SEMA5A: variants seen among roughly 807,000 people sequenced by gnomAD.
SEMA5A encodes the protein semaphorin-5A.
SEMA5A carries 55 observed loss-of-function variants against 135.5 expected under a neutral mutation model. The ratio of observed to expected loss-of-function variants is 0.41; its 90% CI spans 0.33 to 0.51. The LOEUF (loss-of-function observed/expected upper bound fraction) is 0.51. Ranked by LOEUF, SEMA5A falls within the 20% of genes least tolerant of loss-of-function variation. The pLI is 0.37. For synonymous variants in SEMA5A, 580 were observed against 546.5 expected (o/e 1.06, Z -0.85); for missense variants, 1,290 against 1,419.9 (o/e 0.91, Z 1.47).
intron 12 of SEMA5A, among the ~76,000 whole-genome samples, chr5:9,151,453 T>C (rs1742631258): frequency 6.6e-6 from 1 of 152,244 alleles, no homozygotes; most frequent in East Asian, 1.9e-4. Context: ...GTTTTCCTAT[T>C]CCTATTTAGT....
rs185720600 is a variant in SEMA5A, at chr5:9,221,493, G to T, written c.646+3181C>A. On this transcript the variant is annotated intron_variant, in intron 8 of 22. Coordinates refer to ENST00000382496, the MANE Select transcript of SEMA5A (RefSeq NM_003966.3). ...AATTTTTTCTATTTTTAGTAGAGACGGGGTTTCACAGTGTTAGCCAGGATG... is the reference window on the plus strand; with the variant it reads ...AATTTTTTCTATTTTTAGTAGAGACTGGGTTTCACAGTGTTAGCCAGGATG... Among the ~76,000 whole-genome samples the T allele has an allele frequency of 7.4e-5, 11 of 149,276 alleles. No homozygotes were observed. The South Asian group carries it at 2.4e-3, about 32-fold the overall frequency.
At chr5:9,175,443 G>A (rs937051117) in intron 11 of SEMA5A, among the ~76,000 whole-genome samples, 2 of 152,062 alleles carry the variant, frequency 1.3e-5, no homozygotes, top group African/African-American at 4.8e-5. Flanking sequence ...ATGGCTAGAG[G>A]GGTGCAAGCA....
intron 2 of SEMA5A, among the ~76,000 whole-genome samples, chr5:9,431,404 AC>A (rs1183432821): frequency 3.9e-5 from 6 of 152,144 alleles, no homozygotes; most frequent in African/African-American, 1.4e-4. Flanking sequence ...CAACTTCCCA[AC>A]CTTTGCTTTT....
intron 16 of SEMA5A, among the ~76,000 whole-genome samples, chr5:9,081,241 C>T (rs917794684): frequency 6.6e-6 from 1 of 152,186 alleles, no homozygotes; most frequent in Admixed American, 6.5e-5. Flanking sequence ...AAGACTGTAG[C>T]TCTGGCCAAC....
chr5:9,202,371 G>GTTAAT, intron 8 of SEMA5A, 131 bp from the exon 9 acceptor site: 3 of 730,220 alleles, frequency 4.1e-6, no homozygotes, highest in Non-Finnish European at 6.1e-6. Flanking sequence ...AGGACTATTG[G>GTTAAT]GAGGCCCCGT....
chr5:9,140,263 AAC>A lies in SEMA5A; in HGVS notation c.1482-3644_1482-3643del, dbSNP rs1219707460. On this transcript the variant is annotated intron_variant, in intron 12 of 22. Transcript: ENST00000382496. Reference sequence around the variant, plus strand: ...TTGAACCTGTATTTTTATTGTAGAAAACACATAAAAATTTTCTCAATTCTCAA... The same window carrying A: ...TTGAACCTGTATTTTTATTGTAGAAAACATAAAAATTTTCTCAATTCTCAA... Among the ~76,000 whole-genome samples, 3 of 152,344 alleles carry A rather than the reference AAC, an allele frequency of 2.0e-5. No individual in the cohort carries two copies. The East Asian group carries it at 5.8e-4, about 29-fold the overall frequency.
intron 5 of SEMA5A, among the ~76,000 whole-genome samples, chr5:9,276,031 G>A (rs915731466): frequency 6.6e-6 from 1 of 152,164 alleles, no homozygotes; most frequent in Non-Finnish European, 1.5e-5. Context: ...GTCTCTGTTT[G>A]CAGATGATAT....
chr5:9,345,477 T>C (rs924607874), intron 3 of SEMA5A, among the ~76,000 whole-genome samples: 1 of 150,236 alleles, frequency 6.7e-6, no homozygotes, highest in Non-Finnish European at 1.5e-5. Flanking sequence ...TAGTATTTAA[T>C]GCTGATTTAC....
chr5:9,098,734 G>T (rs940439803), intron 16 of SEMA5A, among the ~76,000 whole-genome samples: 1 of 151,952 alleles, frequency 6.6e-6, no homozygotes, highest in African/African-American at 2.4e-5. Context: ...TTTAAATTGT[G>T]GCCATTTAGT....
At chr5:9,382,773 A>T (rs945098697) in intron 2 of SEMA5A, among the ~76,000 whole-genome samples, 1 of 152,242 alleles carries the variant, frequency 6.6e-6, no homozygotes, top group East Asian at 1.9e-4. Context: ...GGCCTATTGC[A>T]TCGATAAGCA....
At chr5:9,222,681 A>T (rs760802680) in intron 8 of SEMA5A, among the ~76,000 whole-genome samples, 76 of 152,246 alleles carry the variant, frequency 5.0e-4, no homozygotes, top group Admixed American at 2.4e-3. Context: ...TTGTAAATCA[A>T]ATAACAATGT....
chr5:9,408,594 G>A (rs74458652), intron 2 of SEMA5A, among the ~76,000 whole-genome samples: 3,667 of 152,238 alleles, frequency 0.024, 146 homozygotes, highest in African/African-American at 0.074. Flanking sequence ...GTAGGTGCAG[G>A]CATGGTACTA....
Position 9,475,544 on chromosome 5 carries a change from T to A in SEMA5A, c.-174-37692A>T, listed in dbSNP as rs185977048. Among the ~76,000 whole-genome samples, 4 of 152,318 alleles carry A rather than the reference T, an allele frequency of 2.6e-5. No individual in the cohort carries two copies. The East Asian group carries it at 5.8e-4, about 22-fold the overall frequency. ...TTTAAAGTAACATTTATTTTCCATT[T>A]CATAAAAGTTTTCAAATGATTTTAC... On this transcript the variant is annotated intron_variant, in intron 1 of 22. Coordinates refer to ENST00000382496, the MANE Select transcript of SEMA5A (RefSeq NM_003966.3).
rs556408079 is a variant in SEMA5A, at chr5:9,288,182, T to C, written c.270+30190A>G. ...AATTACGTGACACCATCACATAAGA[T>C]AATTTGAAGAAGGCTTGACAAGACA... On this transcript the variant is annotated intron_variant, in intron 5 of 22. Coordinates refer to ENST00000382496, the MANE Select transcript of SEMA5A (RefSeq NM_003966.3). Among the ~76,000 whole-genome samples, 9 of 152,330 alleles carry C rather than the reference T, an allele frequency of 5.9e-5. No individual in the cohort carries two copies. The East Asian group carries it at 1.5e-3, about 26-fold the overall frequency.
rs113131189 is a variant in SEMA5A, at chr5:9,197,343, C to T, written c.933-40G>A. 167 of 1,600,174 alleles carry T rather than the reference C, an allele frequency of 1.0e-4. 1 individual carries two copies. Among genetic ancestry groups the T allele is most frequent in the African/African-American group, 5.9e-4 (44 of 74,818 alleles). ...AGAGAGAGAAGGCAGTCAGAGAGCT[C>T]GGCAGCACCTGCTGACCTCCCCCTA... On this transcript the variant is annotated intron_variant, in intron 9 of 22. Coordinates refer to ENST00000382496, the MANE Select transcript of SEMA5A (RefSeq NM_003966.3).
chr5:9,398,394 C>A (rs1197186544), intron 2 of SEMA5A, among the ~76,000 whole-genome samples: 1 of 152,208 alleles, frequency 6.6e-6, no homozygotes, highest in Non-Finnish European at 1.5e-5. Context: ...ACATATCGTA[C>A]TGAAGATAAA....
intron 11 of SEMA5A, among the ~76,000 whole-genome samples, chr5:9,183,069 G>A (rs1744610579): frequency 6.6e-6 from 1 of 152,106 alleles, no homozygotes; most frequent in South Asian, 2.1e-4. Context: ...CTAGAAAACA[G>A]AGGGAAGGAT....
At chr5:9,265,716 A>G (rs1188511243) in intron 5 of SEMA5A, among the ~76,000 whole-genome samples, 1 of 152,196 alleles carries the variant, frequency 6.6e-6, no homozygotes, top group Non-Finnish European at 1.5e-5. Context: ...AGTTCAAGTG[A>G]GCTGTCCACT....
At chr5:9,360,346 A>G (rs373070377) in intron 3 of SEMA5A, among the ~76,000 whole-genome samples, 2 of 152,350 alleles carry the variant, frequency 1.3e-5, no homozygotes, top group East Asian at 3.9e-4. Flanking sequence ...CACAAAAGAG[A>G]CATTTTAATA....
Sources: gnomAD v4.1 joint callset for allele counts (sites outside exome capture counted in the v4.1 genomes callset) on GRCh38, gnomAD v4.1.1 for gene constraint, MANE v1.5 for transcripts, NCBI Gene and HGNC (gene_info 2026-07-23, HGNC 2026-07-21) for gene names.